Variants in ADAMTS12 observed in about 807,000 individuals in gnomAD.
The protein encoded by ADAMTS12 is ADAM metallopeptidase with thrombospondin type 1 motif 12, also known as A disintegrin and metalloproteinase with thrombospondin motifs 12.
ADAMTS12 carries 118 observed loss-of-function variants against 167.8 expected under a neutral mutation model. The ratio of observed to expected loss-of-function variants is 0.70; its 90% confidence interval spans 0.61 to 0.82. The LOEUF is 0.82. Ranked by LOEUF, ADAMTS12 falls within the 40% of genes least tolerant of loss-of-function variation. The probability of loss-of-function intolerance (pLI) is 0.00; values close to 1 mark genes in which losing one functional copy is unlikely to be tolerated. For missense variants in ADAMTS12, 1,916 were observed against 1,998.8 expected (o/e 0.96, Z 0.79); for synonymous variants, 704 against 716.9 (o/e 0.98, Z 0.29).
chr5:33,628,608 T>A (rs1212447123), intron 13 of ADAMTS12, among the ~76,000 whole-genome samples: 3 of 152,210 alleles, frequency 2.0e-5, no homozygotes, highest in Non-Finnish European at 4.4e-5. Context: ...GAATGCAGAT[T>A]AGACAAACAC....
intron 6 of ADAMTS12, among the ~76,000 whole-genome samples, chr5:33,659,361 G>A (rs2112213135): frequency 6.6e-6 from 1 of 152,252 alleles, no homozygotes; most frequent in Non-Finnish European, 1.5e-5. Flanking sequence ...ATACAGCCCA[G>A]TCATTTACGT....
chr5:33,887,713 C>G (rs115015030), intron 1 of ADAMTS12, among the ~76,000 whole-genome samples: 2 of 151,928 alleles, frequency 1.3e-5, no homozygotes, highest in African/African-American at 2.4e-5. Context: ...GAATATTTAC[C>G]TACTAGTTGT....
intron 2 of ADAMTS12, among the ~76,000 whole-genome samples, chr5:33,779,541 C>T (rs544794860): frequency 3.3e-5 from 5 of 152,086 alleles, no homozygotes; most frequent in African/African-American, 7.2e-5. Flanking sequence ...CAGCATTATT[C>T]GCAATAGCCA....
In ADAMTS12 at chr5:33,641,967, A is replaced by G. The variant is rs1444632603; in HGVS notation, c.1573-12T>C. On this transcript the variant is annotated splice_polypyrimidine_tract_variant and intron_variant, in intron 10 of 23. Transcript: ENST00000504830. ...CCTGCCATACACCACTGGAAAGGGAAGAGGCAGGAGATGGCCGTATCAGGA... is the reference window on the plus strand; with the variant it reads ...CCTGCCATACACCACTGGAAAGGGAGGAGGCAGGAGATGGCCGTATCAGGA... The G allele has an allele frequency of 6.2e-7, 1 of 1,602,480 alleles. No homozygotes were observed. The highest frequency in any genetic ancestry group is 1.1e-5 in the South Asian group (1 of 90,056).
At chr5:33,687,041 C>T (rs546594810) in intron 3 of ADAMTS12, among the ~76,000 whole-genome samples, 25 of 150,792 alleles carry the variant, frequency 1.7e-4, no homozygotes, top group African/African-American at 5.6e-4. Flanking sequence ...TTAGGACACC[C>T]AGTCTATAGC....
At chr5:33,855,602 A>G (rs1749368404) in intron 2 of ADAMTS12, among the ~76,000 whole-genome samples, 1 of 152,206 alleles carries the variant, frequency 6.6e-6, no homozygotes, top group African/African-American at 2.4e-5. Context: ...GCCTTCGAAC[A>G]TGACTACTGG....
intron 3 of ADAMTS12, among the ~76,000 whole-genome samples, chr5:33,704,698 T>C (rs1232639099): frequency 1.3e-5 from 2 of 152,210 alleles, no homozygotes; most frequent in Admixed American, 6.5e-5. Flanking sequence ...ATGGCTTCTA[T>C]GTGCTATTGA....
intron 3 of ADAMTS12, chr5:33,751,120 C>A: frequency 2.1e-6 from 1 of 487,728 alleles, no homozygotes; most frequent in Non-Finnish European, 3.6e-6. Context: ...TTGTAAATGT[C>A]TTATGAGCAT....
chr5:33,666,624 C>T (rs1453977848), intron 5 of ADAMTS12, among the ~76,000 whole-genome samples: 1 of 152,160 alleles, frequency 6.6e-6, no homozygotes, highest in Non-Finnish European at 1.5e-5. Context: ...TCCCTAGTAG[C>T]TGAGACTACA....
chr5:33,570,989 G>C (rs1259780131), intron 19 of ADAMTS12, among the ~76,000 whole-genome samples: 1 of 151,418 alleles, frequency 6.6e-6, no homozygotes, highest in African/African-American at 2.4e-5. Flanking sequence ...AAGATCAAAA[G>C]AGACAAAGAA....
intron 16 of ADAMTS12, among the ~76,000 whole-genome samples, chr5:33,601,305 T>G (rs1355264583): frequency 2.0e-5 from 3 of 152,160 alleles, no homozygotes; most frequent in African/African-American, 7.2e-5. Context: ...AGTATAGGGT[T>G]GTTGTGAGGA....
chr5:33,645,496 G>T (rs1467735969), intron 9 of ADAMTS12, among the ~76,000 whole-genome samples: 1 of 152,092 alleles, frequency 6.6e-6, no homozygotes, highest in African/African-American at 2.4e-5. Context: ...TTCCAACGTG[G>T]AAGTGAAAAC....
intron 23 of ADAMTS12, among the ~76,000 whole-genome samples, chr5:33,529,483 A>G (rs1409224891): frequency 1.3e-5 from 2 of 151,920 alleles, no homozygotes; most frequent in Admixed American, 6.6e-5. Context: ...CAGAGAAAAT[A>G]TTTTCATAGT....
At chr5:33,546,573 T>A (rs1286767269) in intron 21 of ADAMTS12, among the ~76,000 whole-genome samples, 1 of 152,218 alleles carries the variant, frequency 6.6e-6, no homozygotes, top group Non-Finnish European at 1.5e-5. Flanking sequence ...CCTATTAAAA[T>A]GAGATTTAGT....
intron 1 of ADAMTS12, among the ~76,000 whole-genome samples, chr5:33,890,941 T>C (rs1037600331): frequency 7.9e-5 from 12 of 152,094 alleles, no homozygotes; most frequent in Admixed American, 3.3e-4. Flanking sequence ...ACGCGGGCCA[T>C]TGCTGCTGCT....
At chr5:33,768,263 C>T (rs953673465) in intron 2 of ADAMTS12, among the ~76,000 whole-genome samples, 1 of 152,104 alleles carries the variant, frequency 6.6e-6, no homozygotes, top group Non-Finnish European at 1.5e-5. Flanking sequence ...ACTTTATTCA[C>T]GGCAAAAGAG....
chr5:33,775,694 G>A (rs148972504), intron 2 of ADAMTS12, among the ~76,000 whole-genome samples: 1 of 152,276 alleles, frequency 6.6e-6, no homozygotes, highest in Non-Finnish European at 1.5e-5. Context: ...AAGAGGGTAG[G>A]ACAGCTCCAC....
chr5:33,641,856 A>G lies in ADAMTS12; in HGVS notation c.1672T>C (p.Cys558Arg). ...TCTGCGCTCTGGACTCCAGCCCCAC[A>G]GGTCCTGGAACAGTGGGACCAGGGT... ...WSPWSHCSRT[C>R]GAGVQSAERL... is the part of the protein sequence containing the mutation. Residue 558 changes from cysteine (C) to arginine (R), a missense_variant, in exon 11 of 24, where the codon TGT becomes CGT. Physicochemically the swap from Cys to Arg is radical, Grantham distance 180 (BLOSUM62 -3). Transcript: ENST00000504830. 6.2e-7 allele frequency: 1 copy of G among 1,613,454 alleles called. No individual in the cohort carries two copies. The highest frequency in any genetic ancestry group is 8.5e-7 in the Non-Finnish European group (1 of 1,179,530).
rs138966253 is a variant in ADAMTS12 at position 33,764,553 on chromosome 5, C to A, written c.490-13005G>T. ...ACATTGAGAGTCCAGCACTCCAATG[C>A]CATCAGCTTTGGAAAAATAACATAG... is the stretch of plus-strand genomic sequence containing the variant. On this transcript the variant is annotated intron_variant, in intron 2 of 23. Coordinates refer to ENST00000504830, the MANE Select transcript of ADAMTS12 (RefSeq NM_030955.4). Among the ~76,000 whole-genome samples the A allele has an allele frequency of 5.9e-3, 904 of 152,278 alleles. 13 individuals are homozygous for A. Among genetic ancestry groups the A allele is most frequent in the African/African-American group, 0.021 (878 of 41,552 alleles).
Sources: allele counts gnomAD v4.1 joint callset (sites outside exome capture counted in the v4.1 genomes callset), GRCh38; gene constraint gnomAD v4.1.1; transcripts MANE v1.5; gene names NCBI Gene and HGNC (gene_info 2026-07-23, HGNC 2026-07-21).